Variants in MYPN observed in about 807,000 individuals in gnomAD.
MYPN encodes the protein myopalladin.
MYPN carries 63 observed loss-of-function variants against 129.4 expected under a neutral mutation model. That is an observed-to-expected ratio of 0.49 (90% CI 0.40 to 0.60). MYPN has a LOEUF of 0.60. Ranked by LOEUF, MYPN falls within the 20% of genes least tolerant of loss-of-function variation. MYPN has a pLI of 0.00. For synonymous variants in MYPN, 629 were observed against 600.9 expected, an observed-to-expected ratio of 1.05 and a Z score of -0.68; for missense variants, 1,596 against 1,635.4, an observed-to-expected ratio of 0.98 and a Z score of 0.42.
chr10:68,184,538 C>A (rs1316784502), intron 12 of MYPN, among the ~76,000 whole-genome samples: 1 of 152,168 alleles, frequency 6.6e-6, no homozygotes, highest in Non-Finnish European at 1.5e-5. Flanking sequence ...AAGTGATTAT[C>A]CTGTCTCAGA....
At chr10:68,197,202 A>T (rs920402828) in intron 15 of MYPN, 150 bp from the exon 16 acceptor site, 3 of 725,550 alleles carry the variant, frequency 4.1e-6, no homozygotes, top group Non-Finnish European at 6.7e-6. Flanking sequence ...GCTCCACACC[A>T]TTATTTATTG....
In MYPN at chr10:68,166,586, G is replaced by T. The variant is rs145440469; in HGVS notation, c.1893G>T (p.Arg631Ser). 1 of 1,614,118 alleles carries T rather than the reference G, an allele frequency of 6.2e-7. No homozygotes were observed. Among genetic ancestry groups the T allele is most frequent in the Non-Finnish European group, 8.5e-7 (1 of 1,180,016 alleles). The change falls in exon 10 of 20, where the codon AGG becomes AGT. Residue 631 changes from arginine (R) to serine (S), a missense_variant. Arg to Ser is a moderately radical substitution (Grantham distance 110). Coordinates refer to ENST00000358913, the MANE Select transcript of MYPN (RefSeq NM_032578.4). ...CCAGGCCCGATTCTTTCCAGGAGAG[G>T]TTCAACGGACAGGCAACAAAAACCC... ...RQTRPDSFQE[R>S]FNGQATKTPE...
intron 8 of MYPN, among the ~76,000 whole-genome samples, chr10:68,163,564 G>A (rs2043011236): frequency 6.6e-6 from 1 of 152,046 alleles, no homozygotes; most frequent in Non-Finnish European, 1.5e-5. Flanking sequence ...GGGAGGCAGA[G>A]CTTGCAGTGA....
chr10:68,161,863 G>GA, intron 8 of MYPN, 111 bp downstream of exon 8: 4 of 925,992 alleles, frequency 4.3e-6, no homozygotes, highest in South Asian at 3.1e-5. Context: ...AAAGTTTTAG[G>GA]AAAAAAAGAT....
At chr10:68,178,040 A>C (rs894904373) in intron 12 of MYPN, among the ~76,000 whole-genome samples, 1 of 152,180 alleles carries the variant, frequency 6.6e-6, no homozygotes, top group African/African-American at 2.4e-5. Context: ...CAAATTTATA[A>C]ATTATGTTTT....
intron 12 of MYPN, among the ~76,000 whole-genome samples, chr10:68,183,886 A>G (rs2043379760): frequency 6.6e-6 from 1 of 152,068 alleles, no homozygotes; most frequent in Admixed American, 6.6e-5. Flanking sequence ...GCTGGGCATG[A>G]TGGTGCATAC....
chr10:68,141,823 G>A lies in MYPN; in HGVS notation c.903-1117G>A, dbSNP rs544466264. On this transcript the variant is annotated intron_variant, in intron 2 of 19. Transcript: ENST00000358913. ...CCCGTAAACCCCATTTCTTATACAA[G>A]GCTAGCACCCTATATGCACTATTTT... 1.8e-3 allele frequency among the ~76,000 whole-genome samples: 270 copies of A among 152,200 alleles called. 4 individuals are homozygous for A. Among genetic ancestry groups the A allele is most frequent in the African/African-American group, 6.2e-3 (256 of 41,526 alleles).
intron 8 of MYPN, among the ~76,000 whole-genome samples, chr10:68,163,708 C>T (rs1388175529): frequency 2.0e-5 from 3 of 152,078 alleles, no homozygotes; most frequent in Non-Finnish European, 4.4e-5. Flanking sequence ...CTTAAACAGT[C>T]TTATGATCCT....
chr10:68,176,679 A>G (rs963056388), intron 12 of MYPN, among the ~76,000 whole-genome samples: 9 of 152,198 alleles, frequency 5.9e-5, no homozygotes, highest in Non-Finnish European at 1.0e-4. Context: ...GCCATAACTG[A>G]GTATACTTTT....
chr10:68,199,662 C>A, intron 17 of MYPN, 87 bp downstream of exon 17: 1 of 1,339,300 alleles, frequency 7.5e-7, no homozygotes, highest in Non-Finnish European at 1.1e-6. Context: ...ATTCCTTCAT[C>A]CTTTGCCCTA....
At chr10:68,122,637 C>T (rs935442667) in intron 2 of MYPN, among the ~76,000 whole-genome samples, 1 of 152,188 alleles carries the variant, frequency 6.6e-6, no homozygotes, top group South Asian at 2.1e-4. Context: ...CGCAGTGGCT[C>T]ACGCCTGTAA....
At chr10:68,160,008 G>C (rs1321351038) in intron 7 of MYPN, among the ~76,000 whole-genome samples, 4 of 151,884 alleles carry the variant, frequency 2.6e-5, no homozygotes, top group African/African-American at 9.7e-5. Context: ...ATCTTTTTCT[G>C]CCTATCACAA....
intron 16 of MYPN, 136 bp from the exon 17 acceptor site, chr10:68,199,232 C>A (rs1274296073): frequency 2.5e-6 from 2 of 811,952 alleles, no homozygotes; most frequent in Non-Finnish European, 4.2e-6. Flanking sequence ...CTCTCGATGC[C>A]CCTACAGAGA....
intron 6 of MYPN, among the ~76,000 whole-genome samples, chr10:68,154,155 A>G (rs2042827251): frequency 6.6e-6 from 1 of 152,192 alleles, no homozygotes; most frequent in Non-Finnish European, 1.5e-5. Context: ...GTGGATAGAG[A>G]TAGACTATCC....
At chr10:68,146,991 AG>A (rs976798617) in intron 4 of MYPN, among the ~76,000 whole-genome samples, 1 of 152,182 alleles carries the variant, frequency 6.6e-6, no homozygotes, top group African/African-American at 2.4e-5. Flanking sequence ...CTGCCTGGTT[AG>A]GGAAAACATC....
intron 2 of MYPN, among the ~76,000 whole-genome samples, chr10:68,124,538 G>A (rs2042297747): frequency 6.6e-6 from 1 of 152,088 alleles, no homozygotes; most frequent in Admixed American, 6.6e-5. Flanking sequence ...TTCATATATT[G>A]ATTTTTGCTT....
At chr10:68,146,539 C>T (rs2134081295) in intron 4 of MYPN, among the ~76,000 whole-genome samples, 1 of 152,246 alleles carries the variant, frequency 6.6e-6, no homozygotes, top group Middle Eastern at 3.4e-3. Flanking sequence ...GGGATTTAGC[C>T]TCCGTTGTGT....
intron 1 of MYPN, among the ~76,000 whole-genome samples, chr10:68,092,090 A>G (rs1281777050): frequency 6.6e-6 from 1 of 152,192 alleles, no homozygotes; most frequent in Non-Finnish European, 1.5e-5. Context: ...TCTAAAAAAA[A>G]GAAAAGAGTA....
intron 12 of MYPN, among the ~76,000 whole-genome samples, chr10:68,181,860 C>T (rs985558335): frequency 7.3e-4 from 111 of 152,076 alleles, no homozygotes; most frequent in Middle Eastern, 3.4e-3. Context: ...CCAAGCTCTC[C>T]GATGGACCCT....
Sources: allele counts gnomAD v4.1 joint callset (sites outside exome capture counted in the v4.1 genomes callset), GRCh38; gene constraint gnomAD v4.1.1; transcripts MANE v1.5; gene names NCBI Gene and HGNC (gene_info 2026-07-23, HGNC 2026-07-21).